The following CNGB3 variants were observed in gnomAD, a reference collection of about 807,000 sequenced individuals.
CNGB3 encodes the protein cyclic nucleotide gated channel subunit beta 3.
A neutral mutation model predicts 92.8 loss-of-function variants in CNGB3; 86 were observed. The observed-to-expected ratio is 0.93, with a 90% CI of 0.78 to 1.11. The LOEUF (loss-of-function observed/expected upper bound fraction) is 1.11, where lower values mean the gene tolerates loss of function less well. Among genes scored for constraint, CNGB3 ranks in the 50% least tolerant of loss-of-function variants. CNGB3 has a pLI of 0.00. For missense variants in CNGB3, 1,026 were observed against 956.8 expected (o/e 1.07, Z -0.95); for synonymous variants, 333 against 332.7 (o/e 1.00, Z -0.01).
At chr8:86,681,000 C>T (rs1276835536) in intron 3 of CNGB3, among the ~76,000 whole-genome samples, 1 of 152,124 alleles carries the variant, frequency 6.6e-6, no homozygotes. Context: ...ACGCTTTGCT[C>T]TGTGTCCACT....
At chr8:86,608,553 C>T (rs893109420) in intron 14 of CNGB3, among the ~76,000 whole-genome samples, 33 of 152,320 alleles carry the variant, frequency 2.2e-4, no homozygotes, top group Middle Eastern at 3.4e-3. Flanking sequence ...CGCAGTTATC[C>T]GGAGGCCTAA....
intron 3 of CNGB3, among the ~76,000 whole-genome samples, chr8:86,688,941 C>T (rs2119536): frequency 0.28 from 42,961 of 151,372 alleles, 6,392 homozygotes; most frequent in East Asian, 0.4. Context: ...ATACACTTTC[C>T]TCTTAGTACT....
chr8:86,721,641 A>G (rs1405202698), intron 3 of CNGB3, among the ~76,000 whole-genome samples: 1 of 152,126 alleles, frequency 6.6e-6, no homozygotes, highest in African/African-American at 2.4e-5. Flanking sequence ...ATAGAGGAAA[A>G]TTTCAATATG....
intron 8 of CNGB3, among the ~76,000 whole-genome samples, chr8:86,645,574 T>C (rs964209307): frequency 5.3e-5 from 8 of 151,344 alleles, no homozygotes; most frequent in African/African-American, 1.9e-4. Flanking sequence ...TAGAAGGGAC[T>C]GCAGAGATTA....
chr8:86,624,036 C>A (rs1335896810), intron 13 of CNGB3, among the ~76,000 whole-genome samples: 2 of 152,192 alleles, frequency 1.3e-5, no homozygotes, highest in Non-Finnish European at 2.9e-5. Context: ...TTTCTTCACA[C>A]AGCAGGAAAG....
intron 15 of CNGB3, among the ~76,000 whole-genome samples, chr8:86,595,178 A>G (rs1054388207): frequency 1.3e-5 from 2 of 152,248 alleles, no homozygotes; most frequent in African/African-American, 4.8e-5. Context: ...TTCTTTAACC[A>G]TAACTCTAGT....
chr8:86,586,326 ATT>A (rs199734817), intron 15 of CNGB3, among the ~76,000 whole-genome samples: 2 of 72,672 alleles, frequency 2.8e-5, no homozygotes, highest in African/African-American at 6.8e-5. Flanking sequence ...AATAGATAAT[ATT>A]TTTTTTTAAA....
intron 11 of CNGB3, among the ~76,000 whole-genome samples, chr8:86,632,429 C>T (rs943003487): frequency 2.0e-5 from 3 of 151,886 alleles, no homozygotes; most frequent in Non-Finnish European, 2.9e-5. Context: ...GATTTTATAA[C>T]AATATTTGAA....
In CNGB3 at chr8:86,654,268, C is replaced by T. The variant is rs962000659; in HGVS notation, c.853-206G>A. The stretch of plus-strand genomic sequence containing the variant: ...CCTATTGTTTGCCACAATCAAGCTT[C>T]TCAAGAGAGTTGCCTACCTGCTTTA... On this transcript the variant is annotated intron_variant, in intron 6 of 17. Coordinates refer to ENST00000320005, the MANE Select transcript of CNGB3 (RefSeq NM_019098.5). Among the ~76,000 whole-genome samples the T allele has an allele frequency of 4.6e-5, 7 of 152,142 alleles. No individual in the cohort carries two copies. In the South Asian group the frequency reaches 1.2e-3, roughly 27 times the overall value.
At chr8:86,735,991 AT>A (rs1166972273) in intron 2 of CNGB3, among the ~76,000 whole-genome samples, 1 of 152,036 alleles carries the variant, frequency 6.6e-6, no homozygotes, top group East Asian at 1.9e-4. Flanking sequence ...TTAAAGAAGC[AT>A]TTAACATAAT....
At chr8:86,630,366 C>T (rs1394680290) in intron 11 of CNGB3, among the ~76,000 whole-genome samples, 1 of 152,158 alleles carries the variant, frequency 6.6e-6, no homozygotes, top group Non-Finnish European at 1.5e-5. Flanking sequence ...TTATTGATTG[C>T]TGTTGAGGCT....
At chr8:86,737,676 T>C (rs941214703) in intron 2 of CNGB3, among the ~76,000 whole-genome samples, 1 of 152,180 alleles carries the variant, frequency 6.6e-6, no homozygotes, top group Non-Finnish European at 1.5e-5. Context: ...ATACAGATTA[T>C]TTCATCATCA....
intron 15 of CNGB3, among the ~76,000 whole-genome samples, chr8:86,589,501 C>T (rs1821977038): frequency 1.1e-4 from 17 of 152,036 alleles, no homozygotes; most frequent in Admixed American, 1.1e-3. Context: ...CCTCTACACA[C>T]TGCTTTGAAT....
chr8:86,657,692 C>A, intron 6 of CNGB3: 1 of 450,114 alleles, frequency 2.2e-6, no homozygotes. Context: ...ATTTGCCATG[C>A]CACTTGTTGT....
intron 14 of CNGB3, among the ~76,000 whole-genome samples, chr8:86,607,407 A>T (rs924743137): frequency 3.9e-5 from 6 of 152,306 alleles, no homozygotes; most frequent in Admixed American, 3.3e-4. Context: ...AGAGTGAGGT[A>T]ACCCCTGGAG....
chr8:86,597,313 G>A (rs1156957613), intron 15 of CNGB3, among the ~76,000 whole-genome samples: 1 of 152,148 alleles, frequency 6.6e-6, no homozygotes, highest in African/African-American at 2.4e-5. Context: ...GTGAGAACTG[G>A]GTTCCTGCCC....
At chr8:86,604,729 G>T (rs1253925246) in intron 14 of CNGB3, among the ~76,000 whole-genome samples, 3 of 152,124 alleles carry the variant, frequency 2.0e-5, no homozygotes, top group Admixed American at 6.6e-5. Context: ...AATGCAGCAG[G>T]TTGTTTTACT....
chr8:86,581,511 G>T (rs1821764884), intron 15 of CNGB3, among the ~76,000 whole-genome samples: 1 of 152,102 alleles, frequency 6.6e-6, no homozygotes, highest in East Asian at 1.9e-4. Flanking sequence ...GAGCATATTT[G>T]TTCTCCATAC....
At chr8:86,596,347 A>C (rs1453688557) in intron 15 of CNGB3, among the ~76,000 whole-genome samples, 1 of 152,200 alleles carries the variant, frequency 6.6e-6, no homozygotes, top group Non-Finnish European at 1.5e-5. Flanking sequence ...GAGTTATAGA[A>C]ATGCTTCTAC....
Sources: allele counts gnomAD v4.1 joint callset (sites outside exome capture counted in the v4.1 genomes callset), GRCh38; gene constraint gnomAD v4.1.1; transcripts MANE v1.5; gene names NCBI Gene and HGNC (gene_info 2026-07-23, HGNC 2026-07-21).